GPR107: variants seen among roughly 807,000 people sequenced by gnomAD.
GPR107 encodes the protein protein GPR107.
GPR107 carries 31 observed loss-of-function variants against 75.5 expected under a neutral mutation model. The observed-to-expected ratio is 0.41, with a 90% CI of 0.31 to 0.55. The LOEUF is 0.55. Among genes scored for constraint, GPR107 ranks in the 20% least tolerant of loss-of-function variants. GPR107 has a pLI of 0.26. For synonymous variants in GPR107, 267 were observed against 251.3 expected (o/e 1.06, Z -0.59); for missense variants, 572 against 665.7 (o/e 0.86, Z 1.55).
chr9:130,085,754 A>ATCTTTTTTTTTTTTTTTTTTT (rs1554893154), intron 6 of GPR107, among the ~76,000 whole-genome samples: 1 of 78,674 alleles, frequency 1.3e-5, no homozygotes, highest in African/African-American at 5.0e-5. Context: ...CAATATTTTG[A>ATCTTTTTTTTTTTTTTTTTTT]TTTTTTTTTT....
intron 10 of GPR107, among the ~76,000 whole-genome samples, 159 bp downstream of exon 10, chr9:130,099,691 C>T (rs1181523650): frequency 3.9e-5 from 6 of 152,012 alleles, no homozygotes; most frequent in African/African-American, 1.4e-4. Context: ...CCTGGCCATG[C>T]GGGTAAATGA....
At chr9:130,110,397 G>A (rs1467161717) in intron 14 of GPR107, 1 of 1,537,348 alleles carries the variant, frequency 6.5e-7, no homozygotes, top group Non-Finnish European at 8.8e-7. Flanking sequence ...CTTCAGCAGA[G>A]AGCGAATCTA....
At chr9:130,056,099 T>A (rs1389756189) in intron 1 of GPR107, among the ~76,000 whole-genome samples, 1 of 151,840 alleles carries the variant, frequency 6.6e-6, no homozygotes, top group African/African-American at 2.4e-5. Context: ...GAATTTTGAC[T>A]CTTTGAGAAT....
intron 17 of GPR107, chr9:130,132,853 TCC>T (rs1831862025): frequency 6.6e-6 from 1 of 150,424 alleles, no homozygotes; most frequent in Non-Finnish European, 1.5e-5. Context: ...ACATATACAA[TCC>T]ACACACTGCA....
At chr9:130,129,050 C>T (rs527427276) in intron 17 of GPR107, 8 of 268,154 alleles carry the variant, frequency 3.0e-5, no homozygotes, top group South Asian at 1.8e-4. Context: ...TAGGAATATA[C>T]GTGGCCAGTT....
intron 1 of GPR107, among the ~76,000 whole-genome samples, chr9:130,066,386 TGATGATGATGATGGTGATGATGACGAC>T (rs895796969): frequency 7.7e-5 from 4 of 51,762 alleles, no homozygotes; most frequent in African/African-American, 2.0e-4. Flanking sequence ...GATTGCGCAT[TGATGATGATGATGGTGATGATGACGAC>T]GATGATGATG....
At chr9:130,114,712 A>G in intron 14 of GPR107, 3 of 1,035,612 alleles carry the variant, frequency 2.9e-6, no homozygotes, top group East Asian at 1.1e-4. Flanking sequence ...CCATATTTGT[A>G]GATATAATCA....
At chr9:130,102,391 C>T (rs1052519810) in intron 12 of GPR107, among the ~76,000 whole-genome samples, 5 of 152,154 alleles carry the variant, frequency 3.3e-5, no homozygotes, top group African/African-American at 7.2e-5. Flanking sequence ...TCTAGAGTCT[C>T]CCCCCACCAG....
At position 130,104,441 on chromosome 9, in the gene GPR107, A is replaced by G; in HGVS notation, c.1153A>G (p.Ile385Val). 2 of 1,613,804 alleles carry G rather than the reference A, an allele frequency of 1.2e-6. No individual in the cohort carries two copies. Among genetic ancestry groups the G allele is most frequent in the Non-Finnish European group, 1.7e-6 (2 of 1,179,684 alleles). ...GTAGGTCCTGGCAAATGTAGCCTAC[A>G]TCATCATAGAGTCCACCGAGGAGGG... The part of the protein sequence containing the change: ...PLQVLANVAY[I>V]IIESTEEGTT... Residue 385 changes from isoleucine (I) to valine (V), a missense_variant, in exon 13 of 18, where the codon ATC becomes GTC. Physicochemically the swap from Ile to Val is conservative, Grantham distance 29 (BLOSUM62 3). Transcript: ENST00000347136.
At chr9:130,125,301 C>A (rs868571477) in intron 15 of GPR107, among the ~76,000 whole-genome samples, 7 of 151,384 alleles carry the variant, frequency 4.6e-5, no homozygotes, top group Admixed American at 1.3e-4. Flanking sequence ...AGGCTAGTCT[C>A]AAACTCCTGA....
intron 14 of GPR107, among the ~76,000 whole-genome samples, chr9:130,107,842 T>C (rs895364591): frequency 6.6e-6 from 1 of 152,196 alleles, no homozygotes; most frequent in African/African-American, 2.4e-5. Flanking sequence ...GAAAATCTTG[T>C]CTTAGAAGGG....
intron 1 of GPR107, among the ~76,000 whole-genome samples, chr9:130,062,881 A>G (rs1360219757): frequency 1.3e-5 from 2 of 152,066 alleles, no homozygotes; most frequent in African/African-American, 4.8e-5. Context: ...ACACCACCAC[A>G]TCTGACTAAT....
intron 4 of GPR107, among the ~76,000 whole-genome samples, chr9:130,078,122 G>A (rs1034896361): frequency 6.6e-6 from 1 of 150,902 alleles, no homozygotes; most frequent in South Asian, 2.1e-4. Context: ...CCGAGATCGC[G>A]CCACTGCACT....
intron 9 of GPR107, among the ~76,000 whole-genome samples, chr9:130,094,534 C>T (rs2132596574): frequency 6.6e-6 from 1 of 152,172 alleles, no homozygotes; most frequent in Non-Finnish European, 1.5e-5. Flanking sequence ...GTTTGTGCCA[C>T]TGCATTCCAG....
chr9:130,100,749 G>A, intron 11 of GPR107, 47 bp downstream of exon 11: 1 of 1,411,530 alleles, frequency 7.1e-7, no homozygotes, highest in Non-Finnish European at 1.0e-6. Flanking sequence ...TGACATACAA[G>A]ACAAGGGGGG....
Position 130,083,565 on chromosome 9 carries a change from A to T in GPR107, c.527A>T (p.Asp176Val). 6.6e-7 allele frequency: 1 copy of T among 1,522,574 alleles called. No individual in the cohort carries two copies. The highest frequency in any genetic ancestry group is 1.3e-5 in the South Asian group (1 of 75,864). 94.3% of individuals were successfully genotyped at this position (1,522,574 alleles called of 1,614,324 possible). The change falls in exon 6 of 18, where the codon GAT (aspartate) becomes GTT (valine). Residue 176 changes from aspartate to valine, a missense_variant and splice_region_variant. Transcript: ENST00000347136. ...CTCTTTTAAATGTTCTTGCTTCTAG[A>T]TGGTGGAAAGTCTAAAAGAAGTACA... The part of the protein sequence containing the change: ...SAGNQTQKTQ[D>V]GGKSKRSTVD...
intron 1 of GPR107, among the ~76,000 whole-genome samples, chr9:130,058,734 G>A (rs565408839): frequency 2.0e-5 from 3 of 152,288 alleles, no homozygotes; most frequent in African/African-American, 7.2e-5. Flanking sequence ...CAAAGTTCTG[G>A]GATCACAGGT....
intron 2 of GPR107, among the ~76,000 whole-genome samples, chr9:130,076,090 C>T (rs756010021): frequency 6.6e-6 from 1 of 152,118 alleles, no homozygotes; most frequent in Non-Finnish European, 1.5e-5. Flanking sequence ...CAGGGGTTTA[C>T]TCTTTTAGCT....
intron 14 of GPR107, among the ~76,000 whole-genome samples, chr9:130,119,747 C>CTGATAAAGGAA (rs1285413464): frequency 2.0e-5 from 3 of 152,222 alleles, no homozygotes; most frequent in East Asian, 3.8e-4. Flanking sequence ...CAACTGCTGT[C>CTGATAAAGGAA]TGATAAAGGA....
Sources: gnomAD v4.1 joint callset for allele counts (sites outside exome capture counted in the v4.1 genomes callset) on GRCh38, gnomAD v4.1.1 for gene constraint, MANE v1.5 for transcripts, NCBI Gene and HGNC (gene_info 2026-07-23, HGNC 2026-07-21) for gene names.